TMTC2: variants seen among roughly 807,000 people sequenced by gnomAD.
TMTC2 encodes the protein transmembrane O-mannosyltransferase targeting cadherins 2.
Under a neutral mutation model 82.4 loss-of-function variants are expected in TMTC2, and 43 were observed. That is an observed-to-expected ratio of 0.52 (90% CI 0.41 to 0.67). The LOEUF (loss-of-function observed/expected upper bound fraction) is 0.67, where lower values mean the gene tolerates loss of function less well. Ranked by LOEUF, TMTC2 falls within the 30% of genes least tolerant of loss-of-function variation. The pLI is 0.00. For synonymous variants in TMTC2, 408 were observed against 381.9 expected (o/e 1.07, Z -0.80); for missense variants, 919 against 1,012.4 (o/e 0.91, Z 1.25).
chr12:82,853,694 GGAGTATTACTCTAAAC>G (rs2137110469), intron 1 of TMTC2, among the ~76,000 whole-genome samples: 1 of 152,274 alleles, frequency 6.6e-6, no homozygotes, highest in African/African-American at 2.4e-5. Flanking sequence ...CAGAAAGGAT[GGAGTATTACTCTAAAC>G]AAAGCGTGCC....
chr12:82,979,679 T>C (rs1234171921), intron 7 of TMTC2, among the ~76,000 whole-genome samples: 1 of 151,840 alleles, frequency 6.6e-6, no homozygotes, highest in Non-Finnish European at 1.5e-5. Flanking sequence ...CCATACTTAC[T>C]ACTACCAGTG....
At chr12:82,797,050 G>T (rs1002463019) in intron 1 of TMTC2, among the ~76,000 whole-genome samples, 1 of 152,118 alleles carries the variant, frequency 6.6e-6, no homozygotes, top group Non-Finnish European at 1.5e-5. Flanking sequence ...TATGTCAGAG[G>T]ATCTGAAGTT....
intron 1 of TMTC2, among the ~76,000 whole-genome samples, chr12:82,725,946 A>T (rs1565723105): frequency 6.6e-6 from 1 of 152,164 alleles, no homozygotes; most frequent in Non-Finnish European, 1.5e-5. Context: ...CACCTTTAAA[A>T]GGTGCTAGAC....
intron 1 of TMTC2, among the ~76,000 whole-genome samples, chr12:82,822,217 G>T (rs1869156881): frequency 6.6e-6 from 1 of 152,204 alleles, no homozygotes; most frequent in Non-Finnish European, 1.5e-5. Context: ...ACTACTCTGT[G>T]TGATATGTAA....
intron 2 of TMTC2, among the ~76,000 whole-genome samples, chr12:82,886,631 A>AT (rs963927694): frequency 2.0e-5 from 3 of 152,228 alleles, no homozygotes; most frequent in African/African-American, 4.8e-5. Flanking sequence ...CTCTTTTAAT[A>AT]TTTTTTGCGA....
chr12:83,102,305 T>C (rs1592747385), intron 11 of TMTC2, among the ~76,000 whole-genome samples: 1 of 152,190 alleles, frequency 6.6e-6, no homozygotes, highest in Non-Finnish European at 1.5e-5. Context: ...ATTTAGTCTG[T>C]GAAGTAGTAG....
At chr12:82,695,788 T>A (rs559638213) in intron 1 of TMTC2, among the ~76,000 whole-genome samples, 16 of 152,272 alleles carry the variant, frequency 1.1e-4, no homozygotes, top group African/African-American at 2.9e-4. Context: ...TGCTTTTCTG[T>A]TTGGGGAGGA....
At chr12:82,816,916 G>C (rs150680073) in intron 1 of TMTC2, among the ~76,000 whole-genome samples, 15 of 151,496 alleles carry the variant, frequency 9.9e-5, no homozygotes, top group African/African-American at 3.4e-4. Context: ...ATATAGCACA[G>C]TATATGAACA....
intron 8 of TMTC2, among the ~76,000 whole-genome samples, chr12:83,008,496 A>G (rs1191119632): frequency 6.6e-6 from 1 of 152,168 alleles, no homozygotes; most frequent in Non-Finnish European, 1.5e-5. Context: ...TACTTTTGTT[A>G]GAGTGGTTCT....
intron 1 of TMTC2, among the ~76,000 whole-genome samples, chr12:82,782,354 T>C (rs963379821): frequency 2.0e-5 from 3 of 152,150 alleles, no homozygotes; most frequent in East Asian, 1.9e-4. Context: ...TGGACTCTTA[T>C]GTATGATATG....
intron 11 of TMTC2, among the ~76,000 whole-genome samples, chr12:83,072,111 G>T (rs1883139740): frequency 6.6e-6 from 1 of 151,960 alleles, no homozygotes; most frequent in South Asian, 2.1e-4. Context: ...TTGTCAATTT[G>T]TGCTCTTTCA....
intron 2 of TMTC2, among the ~76,000 whole-genome samples, chr12:82,865,180 C>T (rs576285509): frequency 1.3e-4 from 20 of 152,044 alleles, no homozygotes; most frequent in Admixed American, 5.9e-4. Context: ...GAGCTGAGAT[C>T]GCGTCGCTGC....
intron 1 of TMTC2, chr12:82,690,215 GATA>G (rs1872519567): frequency 8.8e-6 from 2 of 226,934 alleles, no homozygotes; most frequent in Non-Finnish European, 1.5e-5. Flanking sequence ...GTAGGATGAT[GATA>G]ATTTGTTTAT....
intron 8 of TMTC2, among the ~76,000 whole-genome samples, chr12:83,020,657 G>A (rs923257837): frequency 3.1e-5 from 3 of 96,264 alleles, no homozygotes; most frequent in East Asian, 2.9e-4. Context: ...TGAGCTTAGT[G>A]TCAGGATACC....
chr12:82,798,807 C>CAAAA lies in TMTC2; in HGVS notation c.84-58190_84-58187dup, dbSNP rs544522111. 1.2e-3 allele frequency among the ~76,000 whole-genome samples: 108 copies of CAAAA among 88,374 alleles called. 1 individual carries two copies. The highest frequency in any genetic ancestry group is 3.1e-3 in the African/African-American group (70 of 22,598). 58.0% of individuals were successfully genotyped at this position (88,374 alleles called of 152,430 possible). A position where few individuals can be genotyped will look rare whatever the true frequency, so the allele number is the denominator to read the frequency against. On this transcript the variant is annotated intron_variant, in intron 1 of 11. Coordinates refer to ENST00000321196, the MANE Select transcript of TMTC2 (RefSeq NM_152588.3). ...GGGCAACAAGAGGGTAACTCCGTCTCAAAAAAAAAAAAAAAAGGATGTAAA... is the reference window on the plus strand; with the variant it reads ...GGGCAACAAGAGGGTAACTCCGTCTCAAAAAAAAAAAAAAAAAAAAGGATGTAAA...
intron 11 of TMTC2, among the ~76,000 whole-genome samples, chr12:83,102,310 T>C (rs77794342): frequency 0.019 from 2,881 of 152,284 alleles, 82 homozygotes; most frequent in African/African-American, 0.066. Context: ...GTCTGTGAAG[T>C]AGTAGTGCCT....
chr12:82,751,388 G>A (rs1370992606), intron 1 of TMTC2, among the ~76,000 whole-genome samples: 5 of 151,834 alleles, frequency 3.3e-5, no homozygotes, highest in Non-Finnish European at 7.4e-5. Context: ...GAACTGTTGT[G>A]GGGTGGAGGG....
chr12:82,931,884 G>T lies in TMTC2; in HGVS notation c.1598+1339G>T, dbSNP rs1021527855. 4.6e-5 allele frequency among the ~76,000 whole-genome samples: 7 copies of T among 152,206 alleles called. No homozygotes were observed. The East Asian group carries it at 1.2e-3, about 25-fold the overall frequency. On this transcript the variant is annotated intron_variant, in intron 4 of 11. Coordinates refer to ENST00000321196, the MANE Select transcript of TMTC2 (RefSeq NM_152588.3). ...CTCCTGCAGTTCTGTGCCGTCTCTTGGTTGAAACACTGAGTGATGTGGGAG... is the reference window on the plus strand; with the variant it reads ...CTCCTGCAGTTCTGTGCCGTCTCTTTGTTGAAACACTGAGTGATGTGGGAG...
chr12:83,031,060 T>G (rs1881410972), intron 9 of TMTC2, among the ~76,000 whole-genome samples, 181 bp downstream of exon 9: 1 of 152,202 alleles, frequency 6.6e-6, no homozygotes, highest in African/African-American at 2.4e-5. Flanking sequence ...GGCTGTGCAT[T>G]ATATTTTCCT....
Sources: allele counts gnomAD v4.1 joint callset (sites outside exome capture counted in the v4.1 genomes callset), GRCh38; gene constraint gnomAD v4.1.1; transcripts MANE v1.5; gene names NCBI Gene and HGNC (gene_info 2026-07-23, HGNC 2026-07-21).